MTA3: variants seen among roughly 807,000 people sequenced by gnomAD.
The protein encoded by MTA3 is metastasis associated 1 family member 3.
A neutral mutation model predicts 83.5 loss-of-function variants in MTA3; 34 were observed. The observed-to-expected ratio is 0.41, with a 90% CI of 0.31 to 0.54. The LOEUF (loss-of-function observed/expected upper bound fraction) is 0.54. Among genes scored for constraint, MTA3 ranks in the 20% least tolerant of loss-of-function variants. The probability of loss-of-function intolerance (pLI) is 0.33; values close to 1 mark genes in which losing one functional copy is unlikely to be tolerated. For synonymous variants in MTA3, 303 were observed against 252.7 expected, an observed-to-expected ratio of 1.20 and a Z score of -1.89; for missense variants, 761 against 726.4, an observed-to-expected ratio of 1.05 and a Z score of -0.55.
At chr2:42,710,826 C>T (rs969794498) in intron 14 of MTA3, among the ~76,000 whole-genome samples, 7 of 152,060 alleles carry the variant, frequency 4.6e-5, no homozygotes, top group Non-Finnish European at 8.8e-5. Flanking sequence ...CGCCTGTAAT[C>T]CTAGCACTTT....
chr2:42,556,500 T>C (rs1369891219), intron 2 of MTA3, among the ~76,000 whole-genome samples: 2 of 152,234 alleles, frequency 1.3e-5, no homozygotes, highest in Admixed American at 6.5e-5. Flanking sequence ...CCCCAGTGCC[T>C]GGGAGCCATG....
rs11351833 is a variant in MTA3, at chr2:42,718,094, C to CT, written c.1526-877dup. Among the ~76,000 whole-genome samples the CT allele has an allele frequency of 6.5e-3, 754 of 116,232 alleles. 6 individuals are homozygous for CT. The highest frequency in any genetic ancestry group is 0.021 in the African/African-American group (617 of 29,266). The allele number at this position is 116,232 out of a possible 152,430, so 76.3% of individuals were successfully genotyped here. A position where few individuals can be genotyped will look rare whatever the true frequency, so the allele number is the denominator to read the frequency against. On this transcript the variant is annotated intron_variant, in intron 14 of 16. Coordinates refer to ENST00000405094, the MANE Select transcript of MTA3 (RefSeq NM_001330442.2). The stretch of plus-strand genomic sequence containing the variant: ...AGTGTTTTCCATATTACTCTGGTAC[C>CT]TTTTTTTTTTTTTTTTTCGCTTTAT...
intron 6 of MTA3, 87 bp from the exon 7 acceptor site, chr2:42,656,113 C>T (rs1573497986): frequency 2.0e-6 from 2 of 1,005,772 alleles, no homozygotes; most frequent in East Asian, 4.9e-5. Flanking sequence ...ATAAACATTT[C>T]TAATGCTATG....
chr2:42,553,684 G>A (rs1458952290), intron 2 of MTA3, among the ~76,000 whole-genome samples: 1 of 151,092 alleles, frequency 6.6e-6, no homozygotes, highest in Non-Finnish European at 1.5e-5. Context: ...GCAGTGAGCC[G>A]AGATCACGCC....
intron 8 of MTA3, among the ~76,000 whole-genome samples, chr2:42,665,125 C>T (rs1690114230): frequency 6.6e-6 from 1 of 152,168 alleles, no homozygotes; most frequent in Non-Finnish European, 1.5e-5. Flanking sequence ...TAGGGCTGGG[C>T]AGTGTGGCTC....
At chr2:42,604,568 T>G (rs576217641) in intron 3 of MTA3, among the ~76,000 whole-genome samples, 53 of 74,266 alleles carry the variant, frequency 7.1e-4, no homozygotes, top group African/African-American at 3.7e-3. Flanking sequence ...TCTGAATGTT[T>G]CTTTTCTTTT....
Position 42,756,545 on chromosome 2 carries a change from C to T in MTA3, c.*3146C>T. 5 of 985,582 alleles carry T rather than the reference C, an allele frequency of 5.1e-6. No individual in the cohort carries two copies. The highest frequency in any genetic ancestry group is 6.0e-6 in the Non-Finnish European group (5 of 830,202). The allele number at this position is 985,582 out of a possible 1,614,324, so 61.1% of individuals were successfully genotyped here. A position where few individuals can be genotyped will look rare whatever the true frequency, so the allele number is the denominator to read the frequency against. On this transcript the variant is annotated 3_prime_UTR_variant, in exon 17 of 17. Coordinates refer to ENST00000405094, the MANE Select transcript of MTA3 (RefSeq NM_001330442.2). ...TTATGCCCCACTGCTGTCCTAAGTCCCTGGCGAGGGGAGGTGGAGGAGCTG... is the reference window on the plus strand; with the variant it reads ...TTATGCCCCACTGCTGTCCTAAGTCTCTGGCGAGGGGAGGTGGAGGAGCTG...
At chr2:42,745,576 G>A (rs959702876) in intron 16 of MTA3, among the ~76,000 whole-genome samples, 3 of 152,018 alleles carry the variant, frequency 2.0e-5, no homozygotes, top group Non-Finnish European at 4.4e-5. Context: ...TGGGGGCAGG[G>A]GGTCTTGCTA....
intron 2 of MTA3, among the ~76,000 whole-genome samples, chr2:42,560,625 C>T (rs1376138713): frequency 1.3e-5 from 2 of 151,094 alleles, no homozygotes; most frequent in African/African-American, 2.4e-5. Context: ...AACCCCAGGG[C>T]GTGGCACGGT....
chr2:42,755,123 G>A lies in MTA3; in HGVS notation c.*1724G>A. The A allele has an allele frequency of 2.0e-6, 2 of 985,502 alleles. No homozygotes were observed. The highest frequency in any genetic ancestry group is 2.4e-6 in the Non-Finnish European group (2 of 830,024). 61.0% of individuals were successfully genotyped at this position (985,502 alleles called of 1,614,324 possible). ...GAGGGGTCCCTTCAGCAAAGACCTGGGAGGAGGTGCCGCATCACGTGGATG... is the reference window on the plus strand; with the variant it reads ...GAGGGGTCCCTTCAGCAAAGACCTGAGAGGAGGTGCCGCATCACGTGGATG... On this transcript the variant is annotated 3_prime_UTR_variant, in exon 17 of 17. Transcript: ENST00000405094.
At chr2:42,646,725 G>A (rs1022853444) in intron 6 of MTA3, among the ~76,000 whole-genome samples, 1 of 152,198 alleles carries the variant, frequency 6.6e-6, no homozygotes, top group Non-Finnish European at 1.5e-5. Flanking sequence ...AGCAAAGAAA[G>A]TGGTTTCTTG....
Position 42,753,435 on chromosome 2 carries a change from T to C in MTA3, c.*36T>C, listed in dbSNP as rs957431136. ...ATTCATTCTACAATCCAAGACTTGC[T>C]GCACTGTCCTGCTGATGTTCACAGC... On this transcript the variant is annotated 3_prime_UTR_variant, in exon 17 of 17. Transcript: ENST00000405094. 2 of 1,550,522 alleles carry C rather than the reference T, an allele frequency of 1.3e-6. No individual in the cohort carries two copies. The highest frequency in any genetic ancestry group is 1.7e-6 in the Non-Finnish European group (2 of 1,146,880).
intron 14 of MTA3, among the ~76,000 whole-genome samples, chr2:42,711,249 G>A (rs373870151): frequency 1.3e-5 from 2 of 152,036 alleles, no homozygotes. Context: ...CAGGGCTTGT[G>A]TGTTAATTTT....
At chr2:42,548,811 ATATATATATATATAT>A (rs1676882185) in intron 2 of MTA3, among the ~76,000 whole-genome samples, 4 of 38,024 alleles carry the variant, frequency 1.1e-4, no homozygotes, top group Non-Finnish European at 1.3e-4. Flanking sequence ...TCAAAAAAAA[ATATATATATATATAT>A]ATAATATATA....
chr2:42,499,172 T>C (rs1460399789), intron 2 of MTA3, among the ~76,000 whole-genome samples: 1 of 139,234 alleles, frequency 7.2e-6, no homozygotes, highest in Non-Finnish European at 1.5e-5. Context: ...AGGGTAGATC[T>C]TTTTTTTTTT....
upstream of MTA3, among the ~76,000 whole-genome samples, chr2:42,564,738 G>C (rs577061252): frequency 1.3e-5 from 2 of 152,318 alleles, no homozygotes; most frequent in Admixed American, 1.3e-4. Flanking sequence ...CCTGGGTTCA[G>C]TATGACAGAA....
chr2:42,579,580 C>T (rs1164110600), intron 3 of MTA3, among the ~76,000 whole-genome samples: 3 of 151,774 alleles, frequency 2.0e-5, no homozygotes, highest in Non-Finnish European at 4.4e-5. Context: ...GTGTGAGCTA[C>T]CAGGCCTGGC....
chr2:42,604,001 G>T (rs748079332), intron 3 of MTA3, among the ~76,000 whole-genome samples: 1 of 152,112 alleles, frequency 6.6e-6, no homozygotes, highest in Non-Finnish European at 1.5e-5. Context: ...CGCCTGCCTC[G>T]GTCTCCCAAC....
chr2:42,702,433 A>T (rs74638948), intron 11 of MTA3: 1 of 152,170 alleles, frequency 6.6e-6, no homozygotes, highest in Non-Finnish European at 1.5e-5. Context: ...CTTTGCTGTC[A>T]GGCCAGACCA....
Sources: gnomAD v4.1 joint callset for allele counts (sites outside exome capture counted in the v4.1 genomes callset) on GRCh38, gnomAD v4.1.1 for gene constraint, MANE v1.5 for transcripts, NCBI Gene and HGNC (gene_info 2026-07-23, HGNC 2026-07-21) for gene names.